U2AF2: variants seen among roughly 807,000 people sequenced by gnomAD.
U2AF2 encodes U2 small nuclear RNA auxiliary factor 2, also known as splicing factor U2AF 65 kDa subunit.
U2AF2 carries 6 observed loss-of-function variants against 52.6 expected under a neutral mutation model. That is an observed-to-expected ratio of 0.11 (90% CI 0.06 to 0.23). The LOEUF (loss-of-function observed/expected upper bound fraction) is 0.23. Among genes scored for constraint, U2AF2 ranks in the 10% least tolerant of loss-of-function variants. U2AF2 has a pLI of 1.00. For synonymous variants in U2AF2, 284 were observed against 258.2 expected (o/e 1.10, Z -0.96); for missense variants, 222 against 677.1 (o/e 0.33, Z 7.46).
chr19:55,661,884 A>T (rs1318049326), intron 5 of U2AF2: 1 of 152,402 alleles, frequency 6.6e-6, no homozygotes, highest in African/African-American at 2.4e-5. Context: ...CATTTGATAA[A>T]CCAGCCCCCG....
At chr19:55,657,231 C>T (rs1447665063) in intron 1 of U2AF2, among the ~76,000 whole-genome samples, 1 of 152,210 alleles carries the variant, frequency 6.6e-6, no homozygotes, top group Non-Finnish European at 1.5e-5. Flanking sequence ...GGAGCTGCTC[C>T]CATAAGATGA....
intron 7 of U2AF2, among the ~76,000 whole-genome samples, chr19:55,666,314 T>G (rs192909527): frequency 2.6e-5 from 4 of 152,338 alleles, no homozygotes; most frequent in Admixed American, 6.5e-5. Flanking sequence ...GGTGTGATGC[T>G]TTGTAGATGC....
chr19:55,661,624 C>A, intron 5 of U2AF2: 1 of 169,114 alleles, frequency 5.9e-6, no homozygotes. Context: ...CCACGTCCCT[C>A]CCATGGTCGC....
rs1440770189 is a variant in U2AF2 at position 55,674,582 on chromosome 19, A to T, written c.*514A>T. The T allele has an allele frequency of 6.5e-6, 1 of 153,136 alleles. No homozygotes were observed. Among genetic ancestry groups the T allele is most frequent in the African/African-American group, 2.4e-5 (1 of 41,208 alleles). The allele number at this position is 153,136 out of a possible 1,614,324, so 9.5% of individuals were successfully genotyped here. A position where few individuals can be genotyped will look rare whatever the true frequency, so the allele number is the denominator to read the frequency against. On this transcript the variant is annotated 3_prime_UTR_variant, in exon 12 of 12. Transcript: ENST00000308924. ...TGGTCCCCTCCTGGGTTTCTTACGT[A>T]GTTGATTTTTCCTCTTTAGTCTCCC...
Position 55,673,931 on chromosome 19 carries a change from C to A in U2AF2, c.1294-3C>A. 6.2e-7 allele frequency: 1 copy of A among 1,610,076 alleles called. No individual in the cohort carries two copies. ...CACAAACCTGCCTCTCCTTTCCCCA[C>A]AGATCTTTGTGGAGTTCACCTCTGT... is the stretch of plus-strand genomic sequence containing the variant. On this transcript the variant is annotated splice_polypyrimidine_tract_variant and splice_region_variant and intron_variant, in intron 11 of 11. Coordinates refer to ENST00000308924, the MANE Select transcript of U2AF2 (RefSeq NM_007279.3).
intron 11 of U2AF2, chr19:55,672,031 AG>A (rs1382858507): frequency 2.6e-5 from 4 of 151,834 alleles, no homozygotes; most frequent in African/African-American, 9.7e-5. Flanking sequence ...CAGGAGTCTG[AG>A]GCAGGAGAAT....
At chr19:55,666,853 C>G (rs1353191640) in intron 7 of U2AF2, among the ~76,000 whole-genome samples, 1 of 152,248 alleles carries the variant, frequency 6.6e-6, no homozygotes, top group African/African-American at 2.4e-5. Flanking sequence ...AGCCTGCAGC[C>G]TGCCATGCTG....
At chr19:55,658,717 G>C (rs1983960045) in intron 1 of U2AF2, 1 of 153,454 alleles carries the variant, frequency 6.5e-6, no homozygotes, top group Non-Finnish European at 1.4e-5. Flanking sequence ...GAGTTTCCCT[G>C]CTTCCTGGGG....
chr19:55,663,848 A>G lies in U2AF2; in HGVS notation c.742+104A>G, dbSNP rs1984373826. ...GAGTGGCTTAGGAAGTTGTGTAAGT[A>G]CTGTGGAAGATAGGTGCCTTTTCCC... On this transcript the variant is annotated intron_variant, in intron 7 of 11. Transcript: ENST00000308924. 5.9e-6 allele frequency: 9 copies of G among 1,516,916 alleles called. No homozygotes were observed. The Admixed American group carries it at 1.7e-4, about 29-fold the overall frequency. 94.0% of individuals were successfully genotyped at this position (1,516,916 alleles called of 1,614,324 possible). A position where few individuals can be genotyped will look rare whatever the true frequency, so the allele number is the denominator to read the frequency against.
chr19:55,655,125 C>T lies in U2AF2; in HGVS notation c.21C>T (p.Phe7=). Residue 7 remains phenylalanine (F), a synonymous_variant, in exon 1 of 12, where the codon TTC becomes TTT. Transcript: ENST00000308924. ...TCAGCATGTCGGACTTCGACGAGTT[C>T]GAGCGGCAGCTCAACGAGAATAAAC... The part of the protein sequence containing the change: MSDFDE[F]ERQLNENKQE... The T allele has an allele frequency of 1.2e-6, 2 of 1,604,902 alleles. No individual in the cohort carries two copies. The highest frequency in any genetic ancestry group is 1.7e-6 in the Non-Finnish European group (2 of 1,176,456).
At position 55,669,618 on chromosome 19, in the gene U2AF2, A is replaced by G; in HGVS notation, c.1219A>G (p.Ser407Gly). ...CGTGGAGGACGTGCGGGACGAGTGC[A>G]GCAAGTACGGGCTTGTCAAGTCCAT... ...EIVEDVRDEC[S>G]KYGLVKSIEI... The change falls in exon 11 of 12, where the codon AGC (serine) becomes GGC (glycine). Residue 407 changes from serine to glycine, a missense_variant. Ser to Gly is a moderately conservative substitution (Grantham distance 56). This residue lies in a region of U2AF2 where 71 missense variants were observed against 180.6 expected (regional missense o/e 0.39). Coordinates refer to ENST00000308924, the MANE Select transcript of U2AF2 (RefSeq NM_007279.3). 1 of 1,613,536 alleles carries G rather than the reference A, an allele frequency of 6.2e-7. No homozygotes were observed. The highest frequency in any genetic ancestry group is 8.5e-7 in the Non-Finnish European group (1 of 1,179,860).
chr19:55,667,348 G>A (rs1028948605), intron 7 of U2AF2, among the ~76,000 whole-genome samples: 1 of 152,200 alleles, frequency 6.6e-6, no homozygotes, highest in South Asian at 2.1e-4. Context: ...GGCTGCAGAG[G>A]AAGGGGAGGC....
intron 1 of U2AF2, 57 bp from the exon 2 acceptor site, chr19:55,659,153 G>A: frequency 4.1e-6 from 6 of 1,457,600 alleles, no homozygotes; most frequent in Non-Finnish European, 5.5e-6. Flanking sequence ...CGCAGGGTGG[G>A]CTGGGCCCGC....
chr19:55,660,761 C>T lies in U2AF2; in HGVS notation c.334+142C>T, dbSNP rs372437918. 1.0e-3 allele frequency: 931 copies of T among 911,380 alleles called. 11 individuals carry two copies. In the South Asian group the frequency reaches 0.015, roughly 15 times the overall value. 56.5% of individuals were successfully genotyped at this position (911,380 alleles called of 1,614,324 possible). A position where few individuals can be genotyped will look rare whatever the true frequency, so the allele number is the denominator to read the frequency against. On this transcript the variant is annotated intron_variant, in intron 4 of 11. Coordinates refer to ENST00000308924, the MANE Select transcript of U2AF2 (RefSeq NM_007279.3). ...ACACCCCTGGGGGTTCTGGTCTCTGCGCTTTTGAAGCCTCCCTAGAGGAGG... is the reference window on the plus strand; with the variant it reads ...ACACCCCTGGGGGTTCTGGTCTCTGTGCTTTTGAAGCCTCCCTAGAGGAGG...
In U2AF2 at chr19:55,668,490, C is replaced by T. The variant is rs779013259; in HGVS notation, c.743-17C>T. The T allele has an allele frequency of 1.9e-6, 3 of 1,563,866 alleles. No individual in the cohort carries two copies. The highest frequency in any genetic ancestry group is 1.9e-5 in the Admixed American group (1 of 53,672). ...ACCTGGTACTGGAATTGAAGTCCTCCTCTTCTCTACCCATAGGGGTTGTGT... is the reference window on the plus strand; with the variant it reads ...ACCTGGTACTGGAATTGAAGTCCTCTTCTTCTCTACCCATAGGGGTTGTGT... On this transcript the variant is annotated splice_polypyrimidine_tract_variant and intron_variant, in intron 7 of 11. Transcript: ENST00000308924. This position sits in a 1 kb window ranked among gnomAD's most constrained non-coding sequence, Gnocchi z 5.5.
intron 1 of U2AF2, among the ~76,000 whole-genome samples, chr19:55,656,497 T>A (rs1474577870): frequency 3.6e-5 from 5 of 137,148 alleles, no homozygotes; most frequent in Non-Finnish European, 4.6e-5. Flanking sequence ...GTTTATATAT[T>A]TTTTTCCATT....
At chr19:55,655,879 C>T (rs1051315328) in intron 1 of U2AF2, among the ~76,000 whole-genome samples, 1 of 152,204 alleles carries the variant, frequency 6.6e-6, no homozygotes, top group Admixed American at 6.5e-5. Context: ...TTTTGGCGGT[C>T]CCGAGAATCG....
rs934313952 is a variant in U2AF2 at position 55,674,169 on chromosome 19, G to A, written c.*101G>A. The stretch of plus-strand genomic sequence containing the variant: ...GAAGACGATGGGCAGAGGAGTGACA[G>A]CCGCAGACACACGACAGCCGGCAGC... On this transcript the variant is annotated 3_prime_UTR_variant, in exon 12 of 12. Transcript: ENST00000308924. The A allele has an allele frequency of 2.1e-6, 2 of 958,446 alleles. No individual in the cohort carries two copies. The highest frequency in any genetic ancestry group is 2.6e-6 in the Non-Finnish European group (2 of 767,838). 59.4% of individuals were successfully genotyped at this position (958,446 alleles called of 1,614,324 possible).
At chr19:55,669,037 C>T (rs1171956515) in intron 9 of U2AF2, 46 bp from the exon 10 acceptor site, 1 of 1,592,340 alleles carries the variant, frequency 6.3e-7, no homozygotes, top group Admixed American at 1.7e-5. Flanking sequence ...TGGTCCCTGA[C>T]CCCACCTCTC....
Sources: gnomAD v4.1 joint callset for allele counts (sites outside exome capture counted in the v4.1 genomes callset) on GRCh38, gnomAD v4.1.1 for gene constraint, gnomAD v4.1.1 regional missense constraint, Gnocchi (gnomAD v3.1) non-coding constraint, MANE v1.5 for transcripts, NCBI Gene and HGNC (gene_info 2026-07-23, HGNC 2026-07-21) for gene names.